LIPK: variants seen among roughly 807,000 people sequenced by gnomAD.
LIPK encodes lipase member K.
A neutral mutation model predicts 48.6 loss-of-function variants in LIPK; 32 were observed. The ratio of observed to expected loss-of-function variants is 0.66; its 90% CI spans 0.50 to 0.88. The LOEUF (loss-of-function observed/expected upper bound fraction) is 0.88, where lower values mean the gene tolerates loss of function less well. LIPK is among the 40% of genes least tolerant of loss of function. The probability of loss-of-function intolerance (pLI) is 0.00; values close to 1 mark genes in which losing one functional copy is unlikely to be tolerated. For synonymous variants in LIPK, 164 were observed against 157.4 expected (o/e 1.04, Z -0.32); for missense variants, 507 against 478.5 (o/e 1.06, Z -0.56).
intron 3 of LIPK, among the ~76,000 whole-genome samples, chr10:88,729,670 A>G (rs1039756775): frequency 2.0e-5 from 3 of 152,216 alleles, no homozygotes; most frequent in Non-Finnish European, 2.9e-5. Flanking sequence ...GTACTTGACT[A>G]TTTAATGGTA....
intron 3 of LIPK, among the ~76,000 whole-genome samples, chr10:88,730,355 T>A (rs1842438742): frequency 6.6e-6 from 1 of 152,152 alleles, no homozygotes; most frequent in Non-Finnish European, 1.5e-5. Flanking sequence ...AGTGTGGCGA[T>A]CTCGGCTCAC....
intron 3 of LIPK, chr10:88,728,587 A>T (rs532317546): frequency 2.2e-5 from 10 of 464,552 alleles, no homozygotes; most frequent in Non-Finnish European, 3.4e-5. Context: ...CTTCACCGGA[A>T]CCTGGAGCTG....
At chr10:88,711,328 C>A (rs994528041) in intron 1 of LIPK, among the ~76,000 whole-genome samples, 4 of 152,076 alleles carry the variant, frequency 2.6e-5, no homozygotes. Flanking sequence ...TTACTATAGT[C>A]AAACAAATTA....
intron 7 of LIPK, among the ~76,000 whole-genome samples, chr10:88,738,587 C>T (rs1388943045): frequency 6.6e-6 from 1 of 152,204 alleles, no homozygotes; most frequent in Non-Finnish European, 1.5e-5. Flanking sequence ...ACTATGCTTC[C>T]TATCACTTAG....
chr10:88,736,433 T>C (rs1842572916), intron 6 of LIPK, among the ~76,000 whole-genome samples: 1 of 152,192 alleles, frequency 6.6e-6, no homozygotes, highest in South Asian at 2.1e-4. Context: ...GTCCCCATAA[T>C]AATTTAATAA....
At chr10:88,730,276 C>G (rs976913267) in intron 3 of LIPK, among the ~76,000 whole-genome samples, 1 of 151,890 alleles carries the variant, frequency 6.6e-6, no homozygotes, top group Non-Finnish European at 1.5e-5. Context: ...CTGTGCCAGA[C>G]AGCTTTTTTT....
intron 1 of LIPK, among the ~76,000 whole-genome samples, chr10:88,708,622 T>C (rs1302088218): frequency 1.3e-5 from 2 of 152,072 alleles, no homozygotes; most frequent in Non-Finnish European, 2.9e-5. Context: ...ATTGTAAATA[T>C]TAATAGTTTA....
At chr10:88,734,649 A>T (rs1231824617) in intron 6 of LIPK, among the ~76,000 whole-genome samples, 1 of 152,192 alleles carries the variant, frequency 6.6e-6, no homozygotes, top group Non-Finnish European at 1.5e-5. Flanking sequence ...TAGGAGAATC[A>T]TTATGGAGTT....
intron 3 of LIPK, chr10:88,727,415 G>A: frequency 5.9e-6 from 1 of 170,568 alleles, no homozygotes; most frequent in Non-Finnish European, 1.2e-5. Context: ...AGTCAGTTCT[G>A]GACCCAAGTC....
intron 3 of LIPK, chr10:88,728,865 AC>A (rs1340444494): frequency 5.7e-6 from 1 of 176,290 alleles, no homozygotes; most frequent in Non-Finnish European, 1.2e-5. Context: ...AAGAAGATTG[AC>A]CCCTGCAATG....
At chr10:88,726,094 T>C (rs573757577) in intron 2 of LIPK, among the ~76,000 whole-genome samples, 138 of 152,314 alleles carry the variant, frequency 9.1e-4, no homozygotes, top group African/African-American at 3.3e-3. Context: ...CCCCTCTTCT[T>C]TCAAGTCTGT....
chr10:88,720,870 C>T (rs920261996), intron 1 of LIPK, among the ~76,000 whole-genome samples: 1 of 151,786 alleles, frequency 6.6e-6, no homozygotes, highest in Non-Finnish European at 1.5e-5. Context: ...ATGTGAAAAG[C>T]TGATTTACAG....
chr10:88,733,777 C>T (rs406671), intron 6 of LIPK, among the ~76,000 whole-genome samples: 34,156 of 152,078 alleles, frequency 0.22, 3,994 homozygotes, highest in East Asian at 0.37. Flanking sequence ...GTGTGTAGGA[C>T]GTGGTGCAAT....
At chr10:88,752,296 G>A (rs1428071159) in intron 9 of LIPK, among the ~76,000 whole-genome samples, 1 of 152,118 alleles carries the variant, frequency 6.6e-6, no homozygotes, top group Non-Finnish European at 1.5e-5. Context: ...GTGCAAGTCA[G>A]AAATACAATA....
intron 1 of LIPK, among the ~76,000 whole-genome samples, chr10:88,723,660 AGTAATACTG>A (rs1479433610): frequency 1.3e-5 from 2 of 152,164 alleles, no homozygotes; most frequent in African/African-American, 4.8e-5. Flanking sequence ...CCTATGATAA[AGTAATACTG>A]GATATAGAAA....
chr10:88,732,575 T>A lies in LIPK; in HGVS notation c.669+24T>A, dbSNP rs765753080. On this transcript the variant is annotated intron_variant, in intron 6 of 9. Transcript: ENST00000404190. Reference sequence around the variant, plus strand: ...AGGTATGTGACTTCCCAAGTTTTAATCTGAAATAACTAAAAGTAGCTCTAT... The same window carrying A: ...AGGTATGTGACTTCCCAAGTTTTAAACTGAAATAACTAAAAGTAGCTCTAT... 4.4e-6 allele frequency: 7 copies of A among 1,580,594 alleles called. No homozygotes were observed. In the East Asian group the frequency reaches 1.6e-4, roughly 35 times the overall value.
intron 3 of LIPK, among the ~76,000 whole-genome samples, chr10:88,729,252 T>TGGGGC (rs1554955618): frequency 5.0e-5 from 2 of 40,200 alleles, no homozygotes; most frequent in East Asian, 2.2e-3. Context: ...GGCTATCTGT[T>TGGGGC]GGGGGGGGGG....
intron 9 of LIPK, among the ~76,000 whole-genome samples, chr10:88,749,600 A>G (rs920961075): frequency 2.6e-5 from 4 of 152,160 alleles, no homozygotes; most frequent in African/African-American, 9.7e-5. Flanking sequence ...TTTCCCATAT[A>G]CAAAAATTAA....
At chr10:88,734,479 C>T (rs566058697) in intron 6 of LIPK, among the ~76,000 whole-genome samples, 13 of 152,108 alleles carry the variant, frequency 8.5e-5, no homozygotes, top group South Asian at 2.1e-4. Flanking sequence ...GGGATTTGAG[C>T]GCCAAATTAA....
Sources: gnomAD v4.1 joint callset for allele counts (sites outside exome capture counted in the v4.1 genomes callset) on GRCh38, gnomAD v4.1.1 for gene constraint, MANE v1.5 for transcripts, NCBI Gene and HGNC (gene_info 2026-07-23, HGNC 2026-07-21) for gene names.